Variants in ASAP2 observed in about 807,000 individuals in gnomAD.
ASAP2 encodes the protein ArfGAP with SH3 domain, ankyrin repeat and PH domain 2, also known as arf-GAP with SH3 domain, ANK repeat and PH domain-containing protein 2.
In ASAP2, 45 loss-of-function variants were observed where a neutral mutation model predicts 131.4. The ratio of observed to expected loss-of-function variants is 0.34; its 90% CI spans 0.27 to 0.44. ASAP2 has a LOEUF of 0.44. Ranked by LOEUF, ASAP2 falls within the 20% of genes least tolerant of loss-of-function variation. ASAP2 has a pLI of 1.00. For synonymous variants in ASAP2, 510 were observed against 503.0 expected, an observed-to-expected ratio of 1.01 and a Z score of -0.19; for missense variants, 1,011 against 1,297.0, an observed-to-expected ratio of 0.78 and a Z score of 3.39.
intron 20 of ASAP2, among the ~76,000 whole-genome samples, chr2:9,381,661 C>G (rs1484547353): frequency 6.6e-6 from 1 of 152,180 alleles, no homozygotes; most frequent in Middle Eastern, 3.2e-3. Context: ...ACTTTGAGAC[C>G]AGGAGTTCAA....
In ASAP2 at chr2:9,378,956, T is replaced by A; in HGVS notation, c.1845T>A (p.Asp615Glu). 6.7e-7 allele frequency: 1 copy of A among 1,488,768 alleles called. No homozygotes were observed. The highest frequency in any genetic ancestry group is 9.0e-7 in the Non-Finnish European group (1 of 1,111,812). 92.2% of individuals were successfully genotyped at this position (1,488,768 alleles called of 1,614,324 possible). A position where few individuals can be genotyped will look rare whatever the true frequency, so the allele number is the denominator to read the frequency against. Residue 615 changes from aspartate (D) to glutamate (E), a missense_variant, in exon 19 of 28, where the codon GAT becomes GAA. Transcript: ENST00000281419. ...TGTTCTCGGGCAGTGGGAACCTGGA[T>A]AAACAGACAGGGAAAGGCAGCACAG... ...DFLVQNSGNL[D>E]KQTGKGSTAL...
At chr2:9,245,616 T>G (rs1664284481) in intron 1 of ASAP2, among the ~76,000 whole-genome samples, 1 of 152,208 alleles carries the variant, frequency 6.6e-6, no homozygotes, top group Non-Finnish European at 1.5e-5. Flanking sequence ...TTCTCTTTGT[T>G]TCTTCAGTCA....
rs560977532 is a variant in ASAP2 at position 9,268,839 on chromosome 2, G to A, written c.127-10478G>A. Among the ~76,000 whole-genome samples the A allele has an allele frequency of 6.6e-6, 1 of 152,198 alleles. No individual in the cohort carries two copies. The highest frequency in any genetic ancestry group is 6.5e-5 in the Admixed American group (1 of 15,280). ...GGCTGCCTGAGTGCTGCAGGCCTCT[G>A]CTCTCCCCAGGGCAGCATCTTCGGG... On this transcript the variant is annotated intron_variant, in intron 1 of 27. Coordinates refer to ENST00000281419, the MANE Select transcript of ASAP2 (RefSeq NM_003887.3). This position sits in a 1 kb window ranked among gnomAD's most constrained non-coding sequence, Gnocchi z 4.1.
chr2:9,372,860 G>A (rs147256662), intron 16 of ASAP2, among the ~76,000 whole-genome samples: 20 of 152,268 alleles, frequency 1.3e-4, no homozygotes, highest in African/African-American at 4.8e-4. Flanking sequence ...TTAGCCGAAC[G>A]TGCACAGCTT....
At chr2:9,276,222 A>G (rs1666750336) in intron 1 of ASAP2, among the ~76,000 whole-genome samples, 1 of 152,218 alleles carries the variant, frequency 6.6e-6, no homozygotes, top group South Asian at 2.1e-4. Context: ...GCATTATGGG[A>G]AAAGCTGAGA....
At chr2:9,317,564 TCTCACACACC>T (rs1486245951) in intron 3 of ASAP2, among the ~76,000 whole-genome samples, 2 of 53,058 alleles carry the variant, frequency 3.8e-5, no homozygotes, top group African/African-American at 7.6e-5. Context: ...ACAATCACAC[TCTCACACACC>T]CACACACCCG....
intron 16 of ASAP2, among the ~76,000 whole-genome samples, chr2:9,373,584 C>T (rs1422097342): frequency 2.0e-5 from 3 of 152,202 alleles, no homozygotes; most frequent in Admixed American, 6.5e-5. Context: ...AGTTGTTCCA[C>T]GGGGATTTAG....
At chr2:9,340,937 G>C (rs62118763) in intron 9 of ASAP2, among the ~76,000 whole-genome samples, 2,803 of 152,276 alleles carry the variant, frequency 0.018, 28 homozygotes, top group Non-Finnish European at 0.028. Context: ...TTTCATGAAA[G>C]CCTTTTGAGG....
intron 21 of ASAP2, among the ~76,000 whole-genome samples, chr2:9,385,734 A>C (rs1675210660): frequency 6.6e-6 from 1 of 152,226 alleles, no homozygotes; most frequent in Non-Finnish European, 1.5e-5. Flanking sequence ...GGTTGATCTT[A>C]TAAAAACATC....
rs924414700 is a variant in ASAP2 at position 9,320,419 on chromosome 2, T to C, written c.470+82T>C. On this transcript the variant is annotated intron_variant, in intron 5 of 27. Transcript: ENST00000281419. The stretch of plus-strand genomic sequence containing the variant: ...CCAACCTCGTATTGCTTAAAGGGAT[T>C]GTCCAAATAAACCTTAATCCAGAAA... 4 of 1,045,766 alleles carry C rather than the reference T, an allele frequency of 3.8e-6. No individual in the cohort carries two copies. The African/African-American group carries it at 6.4e-5, about 17-fold the overall frequency. 64.8% of individuals were successfully genotyped at this position (1,045,766 alleles called of 1,614,324 possible). A position where few individuals can be genotyped will look rare whatever the true frequency, so the allele number is the denominator to read the frequency against.
At chr2:9,296,981 C>T (rs773358663) in intron 2 of ASAP2, among the ~76,000 whole-genome samples, 5 of 152,098 alleles carry the variant, frequency 3.3e-5, no homozygotes, top group Non-Finnish European at 7.4e-5. Context: ...GTGAGTTGTG[C>T]CATCATTTGG....
At chr2:9,318,032 C>A (rs774978292) in intron 3 of ASAP2, among the ~76,000 whole-genome samples, 3 of 152,186 alleles carry the variant, frequency 2.0e-5, no homozygotes, top group Non-Finnish European at 4.4e-5. Flanking sequence ...ACCCAGCATT[C>A]GCTCGTGTGC....
chr2:9,355,966 G>A (rs931863368), intron 12 of ASAP2, 81 bp from the exon 13 acceptor site: 21 of 1,507,820 alleles, frequency 1.4e-5, no homozygotes, highest in Non-Finnish European at 1.6e-5. Context: ...TATTCCAGAG[G>A]CTAATTAGAA....
intron 20 of ASAP2, 25 bp from the exon 21 acceptor site, chr2:9,385,220 A>C (rs750749762): frequency 1.3e-6 from 2 of 1,560,314 alleles, no homozygotes; most frequent in South Asian, 2.2e-5. Context: ...GAGCAACAGC[A>C]CTGACCATCC....
intron 16 of ASAP2, among the ~76,000 whole-genome samples, chr2:9,371,812 C>T (rs1673989393): frequency 6.6e-6 from 1 of 152,054 alleles, no homozygotes. Flanking sequence ...CTGCAAAAGC[C>T]TGTCATTAAA....
chr2:9,323,297 T>C (rs1407683717), intron 6 of ASAP2, 47 bp downstream of exon 6: 28 of 1,609,718 alleles, frequency 1.7e-5, no homozygotes, highest in Non-Finnish European at 2.3e-5. Context: ...CTGTGCCGGC[T>C]CTGCCCTCAC....
intron 1 of ASAP2, among the ~76,000 whole-genome samples, chr2:9,221,263 A>G (rs566976458): frequency 6.6e-6 from 1 of 152,040 alleles, no homozygotes; most frequent in South Asian, 2.1e-4. Flanking sequence ...ACATCTTAAC[A>G]ATCTATCATA....
intron 1 of ASAP2, among the ~76,000 whole-genome samples, chr2:9,231,372 A>T (rs751913371): frequency 1.8e-4 from 28 of 152,170 alleles, no homozygotes; most frequent in Admixed American, 4.6e-4. Flanking sequence ...AAGTCAGGTC[A>T]CATCTAACTT....
chr2:9,403,446 A>G lies in ASAP2; in HGVS notation c.*119A>G. 1.2e-6 allele frequency: 1 copy of G among 868,070 alleles called. No individual in the cohort carries two copies. Among genetic ancestry groups the G allele is most frequent in the Non-Finnish European group, 1.8e-6 (1 of 566,872 alleles). 53.8% of individuals were successfully genotyped at this position (868,070 alleles called of 1,614,324 possible). On this transcript the variant is annotated 3_prime_UTR_variant, in exon 28 of 28. Transcript: ENST00000281419. Reference sequence around the variant, plus strand: ...ATGGCAGCCCATGTTCTCTAATGCCACTGCTCTGTTTTAAAAACTCAGAGG... The same window carrying G: ...ATGGCAGCCCATGTTCTCTAATGCCGCTGCTCTGTTTTAAAAACTCAGAGG...
Sources: allele counts gnomAD v4.1 joint callset (sites outside exome capture counted in the v4.1 genomes callset), GRCh38; gene constraint gnomAD v4.1.1; non-coding constraint Gnocchi (gnomAD v3.1); transcripts MANE v1.5; gene names NCBI Gene and HGNC (gene_info 2026-07-23, HGNC 2026-07-21).